ANKRD30BL: variants seen among roughly 807,000 people sequenced by gnomAD.
ANKRD30BL encodes putative ankyrin repeat domain-containing protein 30B-like.
ANKRD30BL carries 20 observed loss-of-function variants against 18.4 expected under a neutral mutation model. The observed-to-expected ratio is 1.09, with a 90% CI of 0.77 to 1.58. The LOEUF (loss-of-function observed/expected upper bound fraction) is 1.58. ANKRD30BL is among the 40% of genes most tolerant of loss of function. The pLI, the probability that ANKRD30BL is intolerant of heterozygous loss-of-function variation, is 0.00. For synonymous variants in ANKRD30BL, 72 were observed against 100.9 expected, an observed-to-expected ratio of 0.71 and a Z score of 1.72; for missense variants, 224 against 268.6, an observed-to-expected ratio of 0.83 and a Z score of 1.16.
chr2:132,186,046 C>T (rs1436937231), intron 1 of ANKRD30BL, among the ~76,000 whole-genome samples: 1 of 151,420 alleles, frequency 6.6e-6, no homozygotes, highest in African/African-American at 2.4e-5. Context: ...GAGGCTGAAG[C>T]AGGAGAACCA....
chr2:132,250,070 A>T (rs1054341904), intron 1 of ANKRD30BL, among the ~76,000 whole-genome samples: 4 of 152,022 alleles, frequency 2.6e-5, no homozygotes, highest in Non-Finnish European at 5.9e-5. Context: ...AAGCTTTTCA[A>T]TCAAAAGAAT....
intron 1 of ANKRD30BL, among the ~76,000 whole-genome samples, chr2:132,255,125 G>C (rs939901961): frequency 6.6e-6 from 1 of 152,332 alleles, no homozygotes; most frequent in Admixed American, 6.5e-5. Context: ...AGTTGGCATC[G>C]TTTATGGTCG....
intron 1 of ANKRD30BL, among the ~76,000 whole-genome samples, chr2:132,171,112 A>G (rs1292009271): frequency 2.3e-4 from 34 of 147,744 alleles, no homozygotes; most frequent in Non-Finnish European, 4.7e-4. Context: ...CCGAGATCGC[A>G]CCACTGTACT....
intron 1 of ANKRD30BL, among the ~76,000 whole-genome samples, chr2:132,195,287 T>C (rs529247794): frequency 2.0e-5 from 3 of 152,164 alleles, no homozygotes; most frequent in Non-Finnish European, 2.9e-5. Flanking sequence ...GTTATATGAC[T>C]ATGACATGTA....
intron 1 of ANKRD30BL, among the ~76,000 whole-genome samples, chr2:132,231,323 G>A (rs542469051): frequency 1.8e-4 from 27 of 152,090 alleles, no homozygotes; most frequent in African/African-American, 3.6e-4. Context: ...CGGGAATGTC[G>A]AAGGGGGAGG....
At chr2:132,178,523 G>A (rs953381103) in intron 1 of ANKRD30BL, among the ~76,000 whole-genome samples, 1 of 152,170 alleles carries the variant, frequency 6.6e-6, no homozygotes, top group Admixed American at 6.5e-5. Context: ...TGTGAACATG[G>A]AAGAAAATTG....
chr2:132,169,572 A>C (rs551111561), intron 1 of ANKRD30BL, among the ~76,000 whole-genome samples: 76 of 149,746 alleles, frequency 5.1e-4, no homozygotes, highest in African/African-American at 1.8e-3. Flanking sequence ...ACTTGAACCC[A>C]GGAGGCAGAT....
chr2:132,256,394 C>T (rs1399597807), intron 1 of ANKRD30BL, among the ~76,000 whole-genome samples: 1 of 152,118 alleles, frequency 6.6e-6, no homozygotes, highest in African/African-American at 2.4e-5. Context: ...CCACTCCCGA[C>T]CCTTCGTGCC....
At chr2:132,214,438 T>C (rs2104761613) in intron 1 of ANKRD30BL, among the ~76,000 whole-genome samples, 1 of 152,166 alleles carries the variant, frequency 6.6e-6, no homozygotes, top group East Asian at 1.9e-4. Context: ...AACACTCTTT[T>C]TGTAGATTCT....
rs954808564 is a variant in ANKRD30BL at position 132,157,205 on chromosome 2, C to T, written c.334-59G>A. ...TTATAGGAAATATAAATAAATATTC[C>T]ACAGGTTTCACAAACCAGTTATATT... On this transcript the variant is annotated intron_variant, in intron 2 of 5. Transcript: ENST00000409867. The T allele has an allele frequency of 8.3e-6, 10 of 1,206,992 alleles. No individual in the cohort carries two copies. In the African/African-American group the frequency reaches 1.4e-4, roughly 17 times the overall value. The allele number at this position is 1,206,992 out of a possible 1,614,324, so 74.8% of individuals were successfully genotyped here. A position where few individuals can be genotyped will look rare whatever the true frequency, so the allele number is the denominator to read the frequency against.
chr2:132,256,037 T>C (rs1680825137), intron 1 of ANKRD30BL, among the ~76,000 whole-genome samples: 1 of 152,138 alleles, frequency 6.6e-6, no homozygotes, highest in African/African-American at 2.4e-5. Flanking sequence ...AGCTCTAGAA[T>C]TACCACAGTT....
At chr2:132,237,164 T>C (rs1680172648) in intron 1 of ANKRD30BL, among the ~76,000 whole-genome samples, 1 of 151,890 alleles carries the variant, frequency 6.6e-6, no homozygotes, top group Admixed American at 6.6e-5. Context: ...TTGGGAGATA[T>C]ACCTAATGCT....
intron 1 of ANKRD30BL, among the ~76,000 whole-genome samples, chr2:132,231,224 T>C (rs1191957529): frequency 6.6e-6 from 1 of 152,140 alleles, no homozygotes; most frequent in African/African-American, 2.4e-5. Context: ...CTCACAGAGT[T>C]GAACTTTCTT....
intron 1 of ANKRD30BL, among the ~76,000 whole-genome samples, chr2:132,238,175 G>T (rs541535683): frequency 3.3e-5 from 5 of 152,050 alleles, no homozygotes; most frequent in Non-Finnish European, 7.4e-5. Flanking sequence ...ACTTCTTTGC[G>T]ATGTGCGTAC....
rs201093396 is a variant in ANKRD30BL at position 132,232,615 on chromosome 2, C to T, written n.441+24914G>A. Among the ~76,000 whole-genome samples, 500 of 151,848 alleles carry T rather than the reference C, an allele frequency of 3.3e-3. 5 individuals carry two copies. Among genetic ancestry groups the T allele is most frequent in the African/African-American group, 0.011 (439 of 41,406 alleles). On this transcript the variant is annotated intron_variant and non_coding_transcript_variant, in intron 1 of 4. Transcript: ENST00000470729. Reference sequence around the variant, plus strand: ...GGAAGATGAAATGAATGAAATGAAGCGAGAAGGGAAGTTTAGAGAAAAAAG... The same window carrying T: ...GGAAGATGAAATGAATGAAATGAAGTGAGAAGGGAAGTTTAGAGAAAAAAG...
intron 1 of ANKRD30BL, among the ~76,000 whole-genome samples, chr2:132,173,051 A>G (rs1220555327): frequency 3.1e-3 from 2 of 638 alleles, no homozygotes; most frequent in Admixed American, 0.053. Context: ...GATGAAACTA[A>G]TTTTTTTATT....
At chr2:132,164,008 A>C (rs189587309), upstream of ANKRD30BL, among the ~76,000 whole-genome samples, 1 of 152,206 alleles carries the variant, frequency 6.6e-6, no homozygotes. Context: ...CTACGACTCA[A>C]TTCTTTTATC....
chr2:132,155,577 C>T (rs561390186), intron 3 of ANKRD30BL: 1 of 152,126 alleles, frequency 6.6e-6, no homozygotes, highest in Admixed American at 6.6e-5. Context: ...TATTACCAGA[C>T]AATAGGATTT....
chr2:132,226,148 C>A (rs990910619), intron 1 of ANKRD30BL, among the ~76,000 whole-genome samples: 1 of 151,760 alleles, frequency 6.6e-6, no homozygotes, highest in Admixed American at 6.6e-5. Context: ...ATATTTTGAC[C>A]GCTTAGAGGC....
Sources: allele counts gnomAD v4.1 joint callset (sites outside exome capture counted in the v4.1 genomes callset), GRCh38; gene constraint gnomAD v4.1.1; transcripts MANE v1.5; gene names NCBI Gene and HGNC (gene_info 2026-07-23, HGNC 2026-07-21).